Variants in CDH1 observed in about 807,000 individuals in gnomAD.
The protein encoded by CDH1 is cadherin-1.
A neutral mutation model predicts 84.5 loss-of-function variants in CDH1; 35 were observed. The ratio of observed to expected loss-of-function variants is 0.41; its 90% CI spans 0.32 to 0.55. The LOEUF is 0.55. Among genes scored for constraint, CDH1 ranks in the 20% least tolerant of loss-of-function variants. The pLI is 0.19. For synonymous variants in CDH1, 417 were observed against 439.0 expected (o/e 0.95, Z 0.63); for missense variants, 994 against 1,126.6 (o/e 0.88, Z 1.68).
chr16:68,818,667 T>C (rs1961050979), intron 10 of CDH1, among the ~76,000 whole-genome samples: 1 of 149,346 alleles, frequency 6.7e-6, no homozygotes, highest in Non-Finnish European at 1.5e-5. Context: ...GCTAAAACGG[T>C]GTAAACCGCG....
chr16:68,774,115 A>C (rs1428945959), intron 2 of CDH1, among the ~76,000 whole-genome samples: 2 of 152,076 alleles, frequency 1.3e-5, no homozygotes, highest in African/African-American at 4.8e-5. Flanking sequence ...GGGTCTTGCT[A>C]TGTTGCCCAG....
intron 2 of CDH1, among the ~76,000 whole-genome samples, chr16:68,755,436 G>C (rs1962994085): frequency 6.6e-6 from 1 of 151,876 alleles, no homozygotes; most frequent in South Asian, 2.1e-4. Flanking sequence ...TAAATAGAGA[G>C]GGTCTTGTTA....
intron 2 of CDH1, among the ~76,000 whole-genome samples, chr16:68,743,339 C>T (rs577851249): frequency 4.1e-5 from 1 of 24,316 alleles, no homozygotes; most frequent in Non-Finnish European, 9.6e-5. Flanking sequence ...TTCTTTCTTT[C>T]TTTCTTTCTT....
intron 3 of CDH1, among the ~76,000 whole-genome samples, chr16:68,805,195 T>A (rs7187183): frequency 0.063 from 9,593 of 151,914 alleles, 980 homozygotes; most frequent in African/African-American, 0.22. Flanking sequence ...TCCTTTTGTG[T>A]TTTTAGTACA....
intron 2 of CDH1, among the ~76,000 whole-genome samples, chr16:68,787,818 C>T (rs888709168): frequency 9.0e-6 from 1 of 110,980 alleles, no homozygotes. Flanking sequence ...ACCACCACGC[C>T]CGGCTAATTT....
rs1444122962 is a variant in CDH1, at chr16:68,777,973, C to T, written c.164-23697C>T. On this transcript the variant is annotated intron_variant, in intron 2 of 15. Coordinates refer to ENST00000261769, the MANE Select transcript of CDH1 (RefSeq NM_004360.5). ...TCTCAAACTCCTGACCTCAGGTGAT[C>T]CACCTGCCTTGGCCTTCCAAAGTGC... 2.0e-5 allele frequency among the ~76,000 whole-genome samples: 3 copies of T among 152,154 alleles called. No individual in the cohort carries two copies. In the East Asian group the frequency reaches 5.8e-4, roughly 29 times the overall value.
intron 13 of CDH1, among the ~76,000 whole-genome samples, chr16:68,825,126 A>T (rs117195961): frequency 0.017 from 2,614 of 152,300 alleles, 39 homozygotes; most frequent in Non-Finnish European, 0.023. Flanking sequence ...AAAATTTTTT[A>T]AAAGAAATGT....
At chr16:68,755,022 G>A (rs1289295408) in intron 2 of CDH1, among the ~76,000 whole-genome samples, 3 of 152,068 alleles carry the variant, frequency 2.0e-5, no homozygotes, top group Admixed American at 2.0e-4. Context: ...TGGGTGTGGT[G>A]GTTTATGACT....
At chr16:68,745,611 A>AATATATGTG (rs1962716440) in intron 2 of CDH1, among the ~76,000 whole-genome samples, 95 of 116,110 alleles carry the variant, frequency 8.2e-4, no homozygotes, top group African/African-American at 3.5e-3. Flanking sequence ...ATGTATGTGT[A>AATATATGTG]TATATATATA....
rs140763639 is a variant in CDH1 at position 68,794,439 on chromosome 16, C to T, written c.164-7231C>T. Among the ~76,000 whole-genome samples, 41 of 152,288 alleles carry T rather than the reference C, an allele frequency of 2.7e-4. 1 individual carries two copies. The East Asian group carries it at 6.9e-3, about 26-fold the overall frequency. ...GGTGGAACTTGAATGTCCTTTTCAACATGCCCTAAGTGTGGACAAACTGGA... is the reference window on the plus strand; with the variant it reads ...GGTGGAACTTGAATGTCCTTTTCAATATGCCCTAAGTGTGGACAAACTGGA... On this transcript the variant is annotated intron_variant, in intron 2 of 15. Transcript: ENST00000261769.
chr16:68,802,392 G>A (rs1345423522), intron 3 of CDH1, among the ~76,000 whole-genome samples: 1 of 152,086 alleles, frequency 6.6e-6, no homozygotes, highest in East Asian at 1.9e-4. Flanking sequence ...CTAAAAATAC[G>A]CAAGGCATAC....
At chr16:68,751,930 T>G (rs987820447) in intron 2 of CDH1, among the ~76,000 whole-genome samples, 3 of 149,008 alleles carry the variant, frequency 2.0e-5, no homozygotes, top group African/African-American at 7.4e-5. Context: ...CCCTCACACC[T>G]GGCTAATTTT....
chr16:68,749,792 A>T (rs1343626492), intron 2 of CDH1, among the ~76,000 whole-genome samples: 1 of 152,120 alleles, frequency 6.6e-6, no homozygotes, highest in African/African-American at 2.4e-5. Context: ...TGTTCCCTCT[A>T]CTACACTGTT....
At chr16:68,788,734 C>T (rs1214473658) in intron 2 of CDH1, among the ~76,000 whole-genome samples, 1 of 152,096 alleles carries the variant, frequency 6.6e-6, no homozygotes, top group African/African-American at 2.4e-5. Flanking sequence ...CATGGTGGCT[C>T]ACGCCTGTAA....
chr16:68,827,754 G>A lies in CDH1; in HGVS notation c.2165-420G>A, dbSNP rs143026765. ...TCCCTCCCGCCCTGCTTGCCCCTCT[G>A]AGCTCTTCTCCATGTCTCTTCCCCT... is the stretch of plus-strand genomic sequence containing the variant. On this transcript the variant is annotated intron_variant, in intron 13 of 15. Transcript: ENST00000261769. 4.3e-4 allele frequency among the ~76,000 whole-genome samples: 66 copies of A among 151,824 alleles called. 3 individuals are homozygous for A. Among genetic ancestry groups the A allele is most frequent in the African/African-American group, 1.4e-3 (60 of 41,390 alleles).
intron 15 of CDH1, among the ~76,000 whole-genome samples, chr16:68,832,424 C>T (rs947200425): frequency 3.3e-5 from 5 of 151,672 alleles, no homozygotes; most frequent in East Asian, 1.9e-4. Context: ...TGCAGTGAGC[C>T]GAGATCATGC....
At chr16:68,784,550 C>G (rs1959987642) in intron 2 of CDH1, among the ~76,000 whole-genome samples, 1 of 152,060 alleles carries the variant, frequency 6.6e-6, no homozygotes, top group Admixed American at 6.6e-5. Context: ...GTTATGTGAA[C>G]AAGTTCTTTA....
In CDH1 at chr16:68,737,365, C is replaced by T. The variant is rs1303301430; in HGVS notation, c.-51C>T. ...AGACTCCAGCCCGCTCCAGCCCGGC[C>T]CGACCCGACCGCACCCGGCGCCTGC... On this transcript the variant is annotated 5_prime_UTR_variant, in exon 1 of 16. Transcript: ENST00000261769. The T allele has an allele frequency of 1.3e-6, 2 of 1,497,464 alleles. No individual in the cohort carries two copies. Among genetic ancestry groups the T allele is most frequent in the South Asian group, 2.4e-5 (2 of 81,978 alleles). 92.8% of individuals were successfully genotyped at this position (1,497,464 alleles called of 1,614,324 possible). A position where few individuals can be genotyped will look rare whatever the true frequency, so the allele number is the denominator to read the frequency against.
intron 2 of CDH1, among the ~76,000 whole-genome samples, chr16:68,760,662 CCT>C (rs1164862615): frequency 6.6e-6 from 1 of 152,142 alleles, no homozygotes; most frequent in Non-Finnish European, 1.5e-5. Context: ...TGTGTGAGTG[CCT>C]TCTGTGTGCT....
Sources: gnomAD v4.1 joint callset for allele counts (sites outside exome capture counted in the v4.1 genomes callset) on GRCh38, gnomAD v4.1.1 for gene constraint, MANE v1.5 for transcripts, NCBI Gene and HGNC (gene_info 2026-07-23, HGNC 2026-07-21) for gene names.